Variants in CAST observed in about 807,000 individuals in gnomAD.
CAST encodes MIR583 host.
A neutral mutation model predicts 119.6 loss-of-function variants in CAST; 76 were observed. The ratio of observed to expected loss-of-function variants is 0.64; its 90% CI spans 0.53 to 0.77. CAST has a LOEUF of 0.77. CAST is among the 30% of genes least tolerant of loss of function. The pLI, the probability that CAST is intolerant of heterozygous loss-of-function variation, is 0.00. For synonymous variants in CAST, 319 were observed against 331.6 expected, an observed-to-expected ratio of 0.96 and a Z score of 0.41; for missense variants, 953 against 946.5, an observed-to-expected ratio of 1.01 and a Z score of -0.09.
the CAST span, among the ~76,000 whole-genome samples, chr5:96,379,017 T>C: frequency 6.6e-6 from 1 of 152,184 alleles, no homozygotes; most frequent in Non-Finnish European, 1.5e-5. Flanking sequence ...TTCACAGATG[T>C]GCCATAATTG....
At chr5:96,599,975 A>AAAAAAAG (rs1554070029) in intron 1 of CAST, among the ~76,000 whole-genome samples, 13 of 140,506 alleles carry the variant, frequency 9.3e-5, no homozygotes, top group Admixed American at 5.6e-4. Context: ...GCAAAAAAAA[A>AAAAAAAG]AAAAAAAACC....
intron 1 of CAST, among the ~76,000 whole-genome samples, chr5:96,593,553 A>G (rs1018274901): frequency 6.6e-6 from 1 of 152,244 alleles, no homozygotes; most frequent in African/African-American, 2.4e-5. Context: ...TATGCACATG[A>G]ACAGAAGAGA....
At chr5:96,173,174 G>C in the CAST span, among the ~76,000 whole-genome samples, 1 of 152,148 alleles carries the variant, frequency 6.6e-6, no homozygotes, top group Non-Finnish European at 1.5e-5. Context: ...CCAAACATGG[G>C]AAAGATGTTC....
chr5:95,969,257 G>A, the CAST span, among the ~76,000 whole-genome samples: 3 of 152,146 alleles, frequency 2.0e-5, no homozygotes, highest in Non-Finnish European at 1.5e-5. Flanking sequence ...TGAGCAATGG[G>A]GAACTGTTGG....
chr5:95,964,711 C>G, the CAST span, among the ~76,000 whole-genome samples: 1 of 152,172 alleles, frequency 6.6e-6, no homozygotes, highest in African/African-American at 2.4e-5. Flanking sequence ...GAAGGAGGAA[C>G]TGAGACCCCC....
chr5:96,401,109 AAAAG>A, the CAST span, among the ~76,000 whole-genome samples: 440 of 150,436 alleles, frequency 2.9e-3, 3 homozygotes, highest in Non-Finnish European at 5.4e-3. Context: ...AAAAAAAAAA[AAAAG>A]AAGTTTACAA....
At chr5:96,222,387 T>G in the CAST span, among the ~76,000 whole-genome samples, 5 of 151,900 alleles carry the variant, frequency 3.3e-5, no homozygotes, top group Non-Finnish European at 5.9e-5. Flanking sequence ...ATCCAAAATA[T>G]ACAAAGACCT....
the CAST span, among the ~76,000 whole-genome samples, chr5:96,202,518 GATTT>G: frequency 2.6e-5 from 4 of 151,844 alleles, no homozygotes; most frequent in African/African-American, 9.7e-5. Context: ...TGTATGAGAG[GATTT>G]ATTTAATTTT....
At chr5:96,429,426 C>G in the CAST span, 8 of 661,422 alleles carry the variant, frequency 1.2e-5, no homozygotes, top group Non-Finnish European at 2.7e-6. Flanking sequence ...TAAGCCCATT[C>G]CTGGTATCTG....
the CAST span, among the ~76,000 whole-genome samples, chr5:96,336,085 C>T: frequency 6.6e-6 from 1 of 151,604 alleles, no homozygotes; most frequent in Non-Finnish European, 1.5e-5. Context: ...CTGACCCAGT[C>T]CTTCTCTTGC....
the CAST span, among the ~76,000 whole-genome samples, chr5:96,279,478 G>A: frequency 2.0e-5 from 3 of 152,106 alleles, no homozygotes; most frequent in Admixed American, 2.0e-4. Context: ...TATGGAAAAG[G>A]ATAACCATTT....
upstream of CAST, among the ~76,000 whole-genome samples, chr5:96,522,060 G>A (rs540236954): frequency 1.4e-4 from 21 of 152,130 alleles, no homozygotes; most frequent in African/African-American, 4.8e-4. Flanking sequence ...AGCTTGCAGC[G>A]AGCCGAGCTC....
chr5:96,572,842 T>C (rs1746594180), intron 1 of CAST, among the ~76,000 whole-genome samples: 2 of 152,194 alleles, frequency 1.3e-5, no homozygotes, highest in Admixed American at 6.5e-5. Flanking sequence ...GAGCTAGCTG[T>C]GTGTTTGTCT....
At chr5:96,332,922 AC>A in the CAST span, among the ~76,000 whole-genome samples, 238 of 151,588 alleles carry the variant, frequency 1.6e-3, no homozygotes, top group Middle Eastern at 3.4e-3. Context: ...TGTACCTTTG[AC>A]TCCAGCCAGG....
intron 4 of CAST, among the ~76,000 whole-genome samples, chr5:96,724,824 A>AAAATAAAT (rs150344814): frequency 2.7e-5 from 4 of 150,024 alleles, no homozygotes; most frequent in Non-Finnish European, 4.4e-5. Context: ...CCCTGTCTCA[A>AAAATAAAT]AAATAAATAA....
chr5:96,516,281 A>G, the CAST span, among the ~76,000 whole-genome samples: 2 of 152,080 alleles, frequency 1.3e-5, no homozygotes, highest in Non-Finnish European at 2.9e-5. Flanking sequence ...AAAAACCAAT[A>G]CATTGCTCTG....
chr5:96,481,343 A>G, the CAST span, among the ~76,000 whole-genome samples: 3 of 152,138 alleles, frequency 2.0e-5, no homozygotes, highest in Non-Finnish European at 2.9e-5. Context: ...CTTTAAACAC[A>G]GTTTTGGTAT....
chr5:96,066,887 A>G, the CAST span, among the ~76,000 whole-genome samples: 2 of 151,940 alleles, frequency 1.3e-5, no homozygotes, highest in Non-Finnish European at 2.9e-5. Context: ...GCTGGTCCCA[A>G]ACTCCTGGCT....
chr5:96,309,104 A>G, the CAST span, among the ~76,000 whole-genome samples: 1 of 152,116 alleles, frequency 6.6e-6, no homozygotes. Flanking sequence ...TGGGGCTTTT[A>G]TCTATAAGTC....
Sources: gnomAD v4.1 joint callset for allele counts (sites outside exome capture counted in the v4.1 genomes callset) on GRCh38, gnomAD v4.1.1 for gene constraint, MANE v1.5 for transcripts, NCBI Gene and HGNC (gene_info 2026-07-23, HGNC 2026-07-21) for gene names.